Variants in PARL observed in about 807,000 individuals in gnomAD.
The protein encoded by PARL is presenilin associated rhomboid like.
PARL carries 44 observed loss-of-function variants against 51.6 expected under a neutral mutation model. That is an observed-to-expected ratio of 0.85 (90% CI 0.67 to 1.10). PARL has a LOEUF of 1.10. Among genes scored for constraint, PARL ranks in the 50% least tolerant of loss-of-function variants. The probability of loss-of-function intolerance (pLI) is 0.00; values close to 1 mark genes in which losing one functional copy is unlikely to be tolerated. For synonymous variants in PARL, 172 were observed against 164.0 expected (o/e 1.05, Z -0.37); for missense variants, 441 against 469.5 (o/e 0.94, Z 0.56).
intron 1 of PARL, among the ~76,000 whole-genome samples, chr3:183,882,752 C>A (rs936411829): frequency 4.6e-5 from 7 of 152,112 alleles, no homozygotes; most frequent in Non-Finnish European, 1.0e-4. Context: ...CCATTCTTGG[C>A]TGGTGGGCCG....
At chr3:183,851,160 A>T (rs1247801922) in intron 4 of PARL, among the ~76,000 whole-genome samples, 2 of 152,254 alleles carry the variant, frequency 1.3e-5, no homozygotes. Flanking sequence ...CTCCGAATTA[A>T]TCAAATGCCT....
chr3:183,843,514 C>CA (rs1729581238), intron 5 of PARL, among the ~76,000 whole-genome samples: 1 of 151,786 alleles, frequency 6.6e-6, no homozygotes, highest in Admixed American at 6.6e-5. Flanking sequence ...GACCCTGTCT[C>CA]AAAAAATAAA....
chr3:183,829,489 G>C lies in PARL; in HGVS notation c.*109C>G. On this transcript the variant is annotated 3_prime_UTR_variant, in exon 10 of 10. Coordinates refer to ENST00000317096, the MANE Select transcript of PARL (RefSeq NM_018622.7). ...CACAGCTGAAAACAGTGGGAGGCCA[G>C]ATGCTGGCATCTTCCAGACGGGAGC... The C allele has an allele frequency of 6.2e-7, 1 of 1,610,892 alleles. No individual in the cohort carries two copies. Among genetic ancestry groups the C allele is most frequent in the East Asian group, 2.2e-5 (1 of 44,858 alleles).
chr3:183,846,582 G>A (rs141875155), intron 4 of PARL: 13,102 of 984,910 alleles, frequency 0.013, 98 homozygotes, highest in Non-Finnish European at 0.015. Flanking sequence ...CAATCCAAAC[G>A]CAAGAAGCTT....
chr3:183,869,455 G>A (rs376064576), intron 1 of PARL, among the ~76,000 whole-genome samples: 22 of 152,086 alleles, frequency 1.4e-4, no homozygotes, highest in African/African-American at 2.9e-4. Flanking sequence ...TGATCCACCC[G>A]CATTGGCCTC....
At chr3:183,826,927 A>C (rs1339881609), downstream of PARL, among the ~76,000 whole-genome samples, 1 of 152,174 alleles carries the variant, frequency 6.6e-6, no homozygotes, top group African/African-American at 2.4e-5. Flanking sequence ...GCTAGGAATA[A>C]TTCTGGGTGC....
At chr3:183,872,919 G>C (rs1733377810) in intron 1 of PARL, among the ~76,000 whole-genome samples, 1 of 152,104 alleles carries the variant, frequency 6.6e-6, no homozygotes, top group Non-Finnish European at 1.5e-5. Flanking sequence ...ACATTTTTGA[G>C]CCACTGAGCA....
intron 1 of PARL, among the ~76,000 whole-genome samples, chr3:183,880,565 C>G (rs1056497643): frequency 6.6e-6 from 1 of 152,020 alleles, no homozygotes; most frequent in East Asian, 1.9e-4. Context: ...CCACACCTGG[C>G]TAATTTTTGT....
At chr3:183,882,412 T>TATACACACAC (rs1282657925) in intron 1 of PARL, among the ~76,000 whole-genome samples, 1 of 135,944 alleles carries the variant, frequency 7.4e-6, no homozygotes, top group Non-Finnish European at 1.6e-5. Context: ...CACACACATA[T>TATACACACAC]ATATAGAGAG....
Position 183,842,423 on chromosome 3 carries a change from A to G in PARL, c.632T>C (p.Leu211Pro). 6.2e-7 allele frequency: 1 copy of G among 1,611,014 alleles called. No individual in the cohort carries two copies. The highest frequency in any genetic ancestry group is 8.5e-7 in the Non-Finnish European group (1 of 1,177,154). The change falls in exon 6 of 10, where the codon CTG (leucine) becomes CCG (proline). Residue 211 changes from leucine (L) to proline (P), a missense_variant. Coordinates refer to ENST00000317096, the MANE Select transcript of PARL (RefSeq NM_018622.7). Reference sequence around the variant, plus strand: ...TAAGGAGAAATGACTGAATGTTGACAGCAACATTGGAGAACAAAGGACCTC... The same window carrying G: ...TAAGGAGAAATGACTGAATGTTGACGGCAACATTGGAGAACAAAGGACCTC... ...ASKVLCSPML[L>P]STFSHFSLFH... is the part of the protein sequence containing the mutation.
Position 183,876,085 on chromosome 3 carries a change from G to A in PARL, c.126-8025C>T, listed in dbSNP as rs1006315754. ...TTTTGAGATGGAGTCTCACTCTGTC[G>A]CCCAGGCTGGAAGTACAGTGGCACT... is the stretch of plus-strand genomic sequence containing the variant. On this transcript the variant is annotated intron_variant, in intron 1 of 9. Transcript: ENST00000317096. Among the ~76,000 whole-genome samples, 8 of 152,054 alleles carry A rather than the reference G, an allele frequency of 5.3e-5. No individual in the cohort carries two copies. The East Asian group carries it at 7.7e-4, about 15-fold the overall frequency.
Position 183,844,212 on chromosome 3 carries a change from T to G in PARL, c.607+19A>C, listed in dbSNP as rs376711236. ...ATATTATTTCTACCTTAAAATAAATTCACACAAGTTAGACTTACTTGAGGC... is the reference window on the plus strand; with the variant it reads ...ATATTATTTCTACCTTAAAATAAATGCACACAAGTTAGACTTACTTGAGGC... On this transcript the variant is annotated intron_variant, in intron 5 of 9. Coordinates refer to ENST00000317096, the MANE Select transcript of PARL (RefSeq NM_018622.7). 1 of 1,448,196 alleles carries G rather than the reference T, an allele frequency of 6.9e-7. No homozygotes were observed. Among genetic ancestry groups the G allele is most frequent in the Non-Finnish European group, 9.7e-7 (1 of 1,030,216 alleles). 89.7% of individuals were successfully genotyped at this position (1,448,196 alleles called of 1,614,324 possible). A position where few individuals can be genotyped will look rare whatever the true frequency, so the allele number is the denominator to read the frequency against.
chr3:183,830,646 G>A (rs1212035241), intron 9 of PARL, among the ~76,000 whole-genome samples: 5 of 152,082 alleles, frequency 3.3e-5, no homozygotes, highest in East Asian at 1.9e-4. Context: ...ATCTTGCATC[G>A]AGCTCCCAGA....
chr3:183,834,801 G>A (rs1442820358), intron 7 of PARL, among the ~76,000 whole-genome samples: 1 of 150,712 alleles, frequency 6.6e-6, no homozygotes, highest in East Asian at 1.9e-4. Flanking sequence ...AGCACTTTTG[G>A]AGGCCGAGGC....
intron 9 of PARL, among the ~76,000 whole-genome samples, chr3:183,832,423 G>A (rs1003792752): frequency 3.4e-4 from 52 of 152,088 alleles, no homozygotes; most frequent in African/African-American, 1.2e-3. Flanking sequence ...GTTTCACTGT[G>A]TTAGCCAGGA....
chr3:183,831,361 T>C (rs1727918764), intron 9 of PARL, among the ~76,000 whole-genome samples: 1 of 152,228 alleles, frequency 6.6e-6, no homozygotes, highest in Non-Finnish European at 1.5e-5. Flanking sequence ...TACTCATAAA[T>C]CCAAAAGGAA....
chr3:183,829,649 G>C lies in PARL; in HGVS notation c.1089C>G (p.Ile363Met). ...GGCCATTAGTCCTTATTTCATGCCA[G>C]ATTTTCACTAGCGGCTCCCTGTTCT... is the stretch of plus-strand genomic sequence containing the variant. ...IWKNREPLVK[I>M]WHEIRTNGPK... The change falls in exon 10 of 10, where the codon ATC (isoleucine) becomes ATG (methionine). Residue 363 changes from isoleucine (I) to methionine (M), a missense_variant. By Grantham distance (10) the Ile-to-Met change is conservative. Coordinates refer to ENST00000317096, the MANE Select transcript of PARL (RefSeq NM_018622.7). 6.2e-7 allele frequency: 1 copy of C among 1,614,146 alleles called. No homozygotes were observed. The highest frequency in any genetic ancestry group is 8.5e-7 in the Non-Finnish European group (1 of 1,180,014).
chr3:183,844,461 A>C, intron 4 of PARL, 135 bp from the exon 5 acceptor site: 1 of 666,574 alleles, frequency 1.5e-6, no homozygotes, highest in South Asian at 1.7e-5. Flanking sequence ...GGTGAGCCAA[A>C]AAAAAGCAAG....
chr3:183,831,862 TAAA>T (rs778774789), intron 9 of PARL, among the ~76,000 whole-genome samples: 9 of 152,234 alleles, frequency 5.9e-5, no homozygotes, highest in Non-Finnish European at 1.3e-4. Context: ...TTAGAAACAG[TAAA>T]GAGAAAGGAT....
Sources: allele counts gnomAD v4.1 joint callset (sites outside exome capture counted in the v4.1 genomes callset), GRCh38; gene constraint gnomAD v4.1.1; transcripts MANE v1.5; gene names NCBI Gene and HGNC (gene_info 2026-07-23, HGNC 2026-07-21).